Variants in LITAF observed in about 807,000 individuals in gnomAD.
The protein encoded by LITAF is lipopolysaccharide induced TNF factor.
LITAF carries 9 observed loss-of-function variants against 14.5 expected under a neutral mutation model. The ratio of observed to expected loss-of-function variants is 0.62; its 90% confidence interval spans 0.37 to 1.08. The LOEUF (loss-of-function observed/expected upper bound fraction) is 1.08, where lower values mean the gene tolerates loss of function less well. Ranked by LOEUF, LITAF falls within the 50% of genes least tolerant of loss-of-function variation. The pLI is 0.01. For synonymous variants in LITAF, 98 were observed against 88.2 expected, an observed-to-expected ratio of 1.11 and a Z score of -0.62; for missense variants, 206 against 213.4, an observed-to-expected ratio of 0.97 and a Z score of 0.22.
At chr16:11,576,484 G>GTAAA (rs1567248794) in intron 1 of LITAF, among the ~76,000 whole-genome samples, 2 of 100,274 alleles carry the variant, frequency 2.0e-5, no homozygotes, top group African/African-American at 3.8e-5. Flanking sequence ...AAATAAATAA[G>GTAAA]TAAATAAATA....
chr16:11,623,784 C>T (rs536656940), intron 3 of LITAF, among the ~76,000 whole-genome samples: 36 of 150,898 alleles, frequency 2.4e-4, no homozygotes, highest in East Asian at 1.8e-3. Context: ...CTGGCCAACA[C>T]GGTGAAACCC....
intron 3 of LITAF, among the ~76,000 whole-genome samples, chr16:11,609,209 C>CT (rs1233293198): frequency 0.025 from 3,470 of 139,166 alleles, 69 homozygotes; most frequent in Non-Finnish European, 0.038. Flanking sequence ...GAATAGTAGA[C>CT]TTTTTTTTTT....
At chr16:11,606,273 A>G (rs898035433) in intron 3 of LITAF, among the ~76,000 whole-genome samples, 12 of 151,920 alleles carry the variant, frequency 7.9e-5, no homozygotes, top group African/African-American at 2.9e-4. Flanking sequence ...GATTCAAGCC[A>G]TCTGCCCACC....
At chr16:11,623,911 G>C (rs1425827512) in intron 3 of LITAF, among the ~76,000 whole-genome samples, 3 of 152,088 alleles carry the variant, frequency 2.0e-5, no homozygotes, top group Admixed American at 2.0e-4. Flanking sequence ...AGGTTGCAAT[G>C]AGCCAAGATC....
In LITAF at chr16:11,548,820, T is replaced by C. The variant is rs15035; in HGVS notation, c.*817A>G. 6 of 451,998 alleles carry C rather than the reference T, an allele frequency of 1.3e-5. No individual in the cohort carries two copies. Among genetic ancestry groups the C allele is most frequent in the Non-Finnish European group, 2.7e-5 (6 of 226,356 alleles). The allele number at this position is 451,998 out of a possible 1,614,324, so 28.0% of individuals were successfully genotyped here. ...GTAAGACCCCATCTCTGTTTTTTTT[T>C]AAAAAAAAGAAATTCTGTTCAAAAG... is the stretch of plus-strand genomic sequence containing the variant. On this transcript the variant is annotated 3_prime_UTR_variant, in exon 4 of 4. Coordinates refer to ENST00000622633, the MANE Select transcript of LITAF (RefSeq NM_001136472.2).
chr16:11,560,076 C>T (rs1597336429), intron 1 of LITAF, among the ~76,000 whole-genome samples: 1 of 152,152 alleles, frequency 6.6e-6, no homozygotes, highest in Non-Finnish European at 1.5e-5. Context: ...GCAGACGGAT[C>T]GCCTGAGGTC....
At chr16:11,609,707 T>C (rs1343996115) in intron 3 of LITAF, among the ~76,000 whole-genome samples, 1 of 152,140 alleles carries the variant, frequency 6.6e-6, no homozygotes, top group Non-Finnish European at 1.5e-5. Flanking sequence ...TCTGCTACGG[T>C]TGAGAGATGC....
chr16:11,616,162 G>T (rs1217213109), intron 3 of LITAF, among the ~76,000 whole-genome samples: 2 of 152,114 alleles, frequency 1.3e-5, no homozygotes, highest in Non-Finnish European at 2.9e-5. Context: ...GCATCTGGCT[G>T]TTTGTATCTT....
At chr16:11,608,995 C>T (rs72781040) in intron 3 of LITAF, among the ~76,000 whole-genome samples, 2 of 150,284 alleles carry the variant, frequency 1.3e-5, no homozygotes. Context: ...AAAAACGCAC[C>T]GAGTATACAG....
intron 3 of LITAF, among the ~76,000 whole-genome samples, chr16:11,616,236 G>C (rs943836539): frequency 6.6e-6 from 1 of 152,108 alleles, no homozygotes; most frequent in Non-Finnish European, 1.5e-5. Context: ...TGTTTTGGGA[G>C]GCTGAAGCAG....
chr16:11,610,302 C>T (rs186378040), intron 3 of LITAF, among the ~76,000 whole-genome samples: 11 of 152,334 alleles, frequency 7.2e-5, no homozygotes, highest in Admixed American at 3.3e-4. Flanking sequence ...CCCGCAGGCT[C>T]CAGGCCAAGA....
At position 11,548,567 on chromosome 16, in the gene LITAF, T is replaced by C. The variant is rs1396552748; in HGVS notation, c.*1070A>G. Reference sequence around the variant, plus strand: ...ATTAACCCCAAGTAAAGGCAGTAGATGAAATTATCCATTTCTTTTTCTTTT... The same window carrying C: ...ATTAACCCCAAGTAAAGGCAGTAGACGAAATTATCCATTTCTTTTTCTTTT... On this transcript the variant is annotated 3_prime_UTR_variant, in exon 4 of 4. Transcript: ENST00000622633. 2.2e-6 allele frequency: 1 copy of C among 451,512 alleles called. No individual in the cohort carries two copies. Among genetic ancestry groups the C allele is most frequent in the East Asian group, 7.0e-5 (1 of 14,374 alleles). The allele number at this position is 451,512 out of a possible 1,614,324, so 28.0% of individuals were successfully genotyped here.
chr16:11,593,349 T>C (rs2064860115), intron 1 of LITAF, among the ~76,000 whole-genome samples: 1 of 109,156 alleles, frequency 9.2e-6, no homozygotes, highest in African/African-American at 3.7e-5. Flanking sequence ...AGCGAAACTC[T>C]GTCTCAAAAA....
At chr16:11,577,284 G>T (rs1179728373) in intron 1 of LITAF, among the ~76,000 whole-genome samples, 2 of 151,366 alleles carry the variant, frequency 1.3e-5, no homozygotes, top group African/African-American at 2.4e-5. Flanking sequence ...CTATGACAGG[G>T]TATCTATGGC....
intron 1 of LITAF, among the ~76,000 whole-genome samples, chr16:11,593,094 C>G (rs1477218516): frequency 1.3e-5 from 2 of 152,060 alleles, no homozygotes; most frequent in Non-Finnish European, 2.9e-5. Flanking sequence ...TGGCATGAAC[C>G]CCGGAGGAGG....
At chr16:11,594,146 A>G (rs2064866780) in intron 1 of LITAF, among the ~76,000 whole-genome samples, 1 of 151,878 alleles carries the variant, frequency 6.6e-6, no homozygotes, top group African/African-American at 2.4e-5. Flanking sequence ...AGATGGCGCC[A>G]CTGCACTTCA....
At chr16:11,570,876 C>T (rs1003003149) in intron 1 of LITAF, among the ~76,000 whole-genome samples, 4 of 151,920 alleles carry the variant, frequency 2.6e-5, no homozygotes, top group African/African-American at 9.7e-5. Context: ...CACAGCTGCA[C>T]CACTACACTC....
chr16:11,607,619 G>A (rs2064961284), intron 3 of LITAF, among the ~76,000 whole-genome samples: 1 of 151,178 alleles, frequency 6.6e-6, no homozygotes, highest in African/African-American at 2.4e-5. Context: ...CTGTTGTTTT[G>A]TTGGTATCTC....
intron 3 of LITAF, among the ~76,000 whole-genome samples, chr16:11,603,525 T>C (rs2064939269): frequency 6.6e-6 from 1 of 152,178 alleles, no homozygotes; most frequent in Non-Finnish European, 1.5e-5. Flanking sequence ...TTTTCCAAAA[T>C]GGAACAGGCG....
Sources: allele counts gnomAD v4.1 joint callset (sites outside exome capture counted in the v4.1 genomes callset), GRCh38; gene constraint gnomAD v4.1.1; transcripts MANE v1.5; gene names NCBI Gene and HGNC (gene_info 2026-07-23, HGNC 2026-07-21).